The following LRMDA variants were observed in gnomAD, a reference collection of about 807,000 sequenced individuals.
LRMDA encodes leucine-rich melanocyte differentiation-associated protein.
LRMDA carries 18 observed loss-of-function variants against 29.8 expected under a neutral mutation model. That is an observed-to-expected ratio of 0.60 (90% CI 0.42 to 0.90). The LOEUF (loss-of-function observed/expected upper bound fraction) is 0.90, where lower values mean the gene tolerates loss of function less well. Ranked by LOEUF, LRMDA falls within the 40% of genes least tolerant of loss-of-function variation. The pLI is 0.00. For synonymous variants in LRMDA, 125 were observed against 109.4 expected (o/e 1.14, Z -0.89); for missense variants, 273 against 273.9 (o/e 1.00, Z 0.02).
chr10:76,010,500 G>T (rs1174665245), intron 2 of LRMDA, among the ~76,000 whole-genome samples: 1 of 152,086 alleles, frequency 6.6e-6, no homozygotes, highest in Non-Finnish European at 1.5e-5. Context: ...TTTTAGTAGA[G>T]ATGGGGTTTC....
chr10:75,742,678 G>A (rs1370721214), intron 2 of LRMDA: 4 of 152,206 alleles, frequency 2.6e-5, no homozygotes, highest in Non-Finnish European at 4.4e-5. Context: ...TGGGGTACAG[G>A]TGAATCATTC....
In LRMDA at chr10:76,195,505, G is replaced by A. The variant is rs374968040; in HGVS notation, c.517-128896G>A. On this transcript the variant is annotated intron_variant, in intron 5 of 6. Coordinates refer to ENST00000611255, the MANE Select transcript of LRMDA (RefSeq NM_001305581.2). ...ACTGCTTGGATTGCAGGGCTCAGATGAAAATTGAGGCCTGGCCTTGTATTT... is the reference window on the plus strand; with the variant it reads ...ACTGCTTGGATTGCAGGGCTCAGATAAAAATTGAGGCCTGGCCTTGTATTT... Among the ~76,000 whole-genome samples the A allele has an allele frequency of 3.3e-4, 50 of 152,272 alleles. No homozygotes were observed. In the South Asian group the frequency reaches 9.1e-3, roughly 28 times the overall value.
chr10:75,915,689 G>A (rs1845921551), intron 2 of LRMDA, among the ~76,000 whole-genome samples: 1 of 152,168 alleles, frequency 6.6e-6, no homozygotes. Flanking sequence ...CTCTGAACTA[G>A]GCTACTTTAT....
chr10:75,681,926 C>A (rs1412146323), intron 2 of LRMDA, among the ~76,000 whole-genome samples: 1 of 152,198 alleles, frequency 6.6e-6, no homozygotes, highest in African/African-American at 2.4e-5. Context: ...AACTTGTGAT[C>A]TGACTCAGCC....
At chr10:75,915,777 C>G (rs1845922380) in intron 2 of LRMDA, among the ~76,000 whole-genome samples, 1 of 152,118 alleles carries the variant, frequency 6.6e-6, no homozygotes, top group Non-Finnish European at 1.5e-5. Context: ...CATGGTCCAC[C>G]TAAGAGGCTG....
intron 5 of LRMDA, among the ~76,000 whole-genome samples, chr10:76,078,155 C>T (rs905386529): frequency 4.0e-5 from 6 of 151,484 alleles, no homozygotes; most frequent in African/African-American, 1.5e-4. Flanking sequence ...GGACTACAGG[C>T]GTCCACCACG....
intron 5 of LRMDA, among the ~76,000 whole-genome samples, chr10:76,119,354 G>A (rs2132122748): frequency 6.6e-6 from 1 of 152,054 alleles, no homozygotes; most frequent in East Asian, 1.9e-4. Flanking sequence ...TCTGTGGGTA[G>A]CAAAGCGTAT....
intron 2 of LRMDA, among the ~76,000 whole-genome samples, chr10:75,512,525 C>T (rs1338225375): frequency 6.6e-6 from 1 of 152,006 alleles, no homozygotes; most frequent in African/African-American, 2.4e-5. Context: ...AATGTTGGAC[C>T]GGGCTGGTTT....
chr10:76,025,927 A>G (rs373994499), intron 2 of LRMDA, among the ~76,000 whole-genome samples: 1 of 152,204 alleles, frequency 6.6e-6, no homozygotes, highest in African/African-American at 2.4e-5. Flanking sequence ...GTAGCTCCAG[A>G]GACTAGCAAA....
chr10:75,837,287 G>A (rs1195264375), intron 2 of LRMDA, among the ~76,000 whole-genome samples: 6 of 152,164 alleles, frequency 3.9e-5, no homozygotes, highest in Non-Finnish European at 8.8e-5. Context: ...CTGTATTTCA[G>A]AGAAGAGGAT....
intron 3 of LRMDA, among the ~76,000 whole-genome samples, chr10:76,043,137 A>G (rs1165267656): frequency 1.3e-5 from 2 of 152,192 alleles, no homozygotes. Context: ...AAAAGATTTC[A>G]GGACATTTTA....
In LRMDA at chr10:75,551,698, G is replaced by A. The variant is rs544234646; in HGVS notation, c.131+113204G>A. Among the ~76,000 whole-genome samples, 12 of 152,212 alleles carry A rather than the reference G, an allele frequency of 7.9e-5. No individual in the cohort carries two copies. In the South Asian group the frequency reaches 2.3e-3, roughly 29 times the overall value. The stretch of plus-strand genomic sequence containing the variant: ...TTATGGCTGCATAGTATTCCATGGT[G>A]TATACGTGCCACATTGAGTCAGCTA... On this transcript the variant is annotated intron_variant, in intron 2 of 6. Transcript: ENST00000611255.
intron 5 of LRMDA, among the ~76,000 whole-genome samples, chr10:76,175,456 C>A (rs1365559423): frequency 1.3e-5 from 2 of 152,154 alleles, no homozygotes; most frequent in African/African-American, 4.8e-5. Flanking sequence ...TAAGTGCTCG[C>A]ATTAACTATT....
At chr10:76,116,513 G>A (rs1184503356) in intron 5 of LRMDA, among the ~76,000 whole-genome samples, 2 of 152,086 alleles carry the variant, frequency 1.3e-5, no homozygotes, top group South Asian at 2.1e-4. Flanking sequence ...GAGTCTGTTG[G>A]TAGGAAGCCT....
chr10:76,391,263 T>C (rs1841721059), intron 6 of LRMDA, among the ~76,000 whole-genome samples: 1 of 152,212 alleles, frequency 6.6e-6, no homozygotes, highest in Admixed American at 6.5e-5. Context: ...CCTCCTGGAG[T>C]GCCCTTAGCT....
chr10:76,491,737 CT>C (rs941071150), intron 6 of LRMDA, among the ~76,000 whole-genome samples: 29 of 151,984 alleles, frequency 1.9e-4, no homozygotes, highest in Admixed American at 1.7e-3. Flanking sequence ...GGAAAGTCCT[CT>C]GTTATTATCC....
intron 2 of LRMDA, among the ~76,000 whole-genome samples, chr10:75,666,736 T>C (rs1391568191): frequency 6.6e-6 from 1 of 152,174 alleles, no homozygotes; most frequent in Non-Finnish European, 1.5e-5. Flanking sequence ...ATGCTGACCA[T>C]CATATTAAGA....
intron 6 of LRMDA, among the ~76,000 whole-genome samples, chr10:76,339,697 CA>C (rs568084312): frequency 1.2e-3 from 176 of 150,892 alleles, no homozygotes; most frequent in African/African-American, 4.0e-3. Flanking sequence ...AATAATGAGA[CA>C]AAAAAAACCC....
intron 2 of LRMDA, among the ~76,000 whole-genome samples, chr10:75,827,592 C>G (rs1402370747): frequency 6.6e-6 from 1 of 152,166 alleles, no homozygotes; most frequent in East Asian, 1.9e-4. Flanking sequence ...CTGCTCAGTA[C>G]AAGGGTTAGT....
Sources: allele counts gnomAD v4.1 joint callset (sites outside exome capture counted in the v4.1 genomes callset), GRCh38; gene constraint gnomAD v4.1.1; transcripts MANE v1.5; gene names NCBI Gene and HGNC (gene_info 2026-07-23, HGNC 2026-07-21).